CRTAC1: variants seen among roughly 807,000 people sequenced by gnomAD.
The protein encoded by CRTAC1 is acidic secreted protein in cartilage.
A neutral mutation model predicts 67.8 loss-of-function variants in CRTAC1; 37 were observed. The observed-to-expected ratio is 0.55, with a 90% confidence interval of 0.42 to 0.72. The LOEUF is 0.72. Among genes scored for constraint, CRTAC1 ranks in the 30% least tolerant of loss-of-function variants. The pLI is 0.00. For missense variants in CRTAC1, 780 were observed against 931.6 expected (o/e 0.84, Z 2.12); for synonymous variants, 348 against 371.0 (o/e 0.94, Z 0.71).
intron 5 of CRTAC1, among the ~76,000 whole-genome samples, chr10:97,910,418 C>A (rs2050674456): frequency 1.3e-5 from 2 of 152,282 alleles, no homozygotes; most frequent in Non-Finnish European, 1.5e-5. Flanking sequence ...GAATCTCAGG[C>A]CCCTAATGAA....
intron 2 of CRTAC1, among the ~76,000 whole-genome samples, chr10:97,980,959 C>T (rs1247319713): frequency 6.6e-6 from 1 of 152,166 alleles, no homozygotes; most frequent in Non-Finnish European, 1.5e-5. Context: ...GTTTCCAATT[C>T]CACCCTGCAA....
At chr10:97,933,261 C>G (rs1457797434) in intron 3 of CRTAC1, among the ~76,000 whole-genome samples, 1 of 152,258 alleles carries the variant, frequency 6.6e-6, no homozygotes, top group African/African-American at 2.4e-5. Flanking sequence ...TCCCTCAAAC[C>G]CACACAAGGT....
At chr10:97,929,050 G>A (rs1054485314) in intron 3 of CRTAC1, among the ~76,000 whole-genome samples, 6 of 152,024 alleles carry the variant, frequency 3.9e-5, no homozygotes, top group African/African-American at 1.5e-4. Context: ...AAGAAGCACC[G>A]GTGCAGGAGG....
intron 2 of CRTAC1, among the ~76,000 whole-genome samples, chr10:98,007,433 A>G (rs1842812989): frequency 6.6e-6 from 1 of 152,340 alleles, no homozygotes; most frequent in Middle Eastern, 3.4e-3. Flanking sequence ...GTATTTTGGT[A>G]CTCAAATTAG....
chr10:97,979,205 C>T (rs1045740789), intron 2 of CRTAC1, among the ~76,000 whole-genome samples: 3 of 152,250 alleles, frequency 2.0e-5, no homozygotes, highest in Non-Finnish European at 4.4e-5. Flanking sequence ...TTTTGAGTTC[C>T]GTGATAGTCA....
rs1300537596 is a variant in CRTAC1 at position 98,022,087 on chromosome 10, G to T, written c.24+8362C>A. Among the ~76,000 whole-genome samples the T allele has an allele frequency of 2.6e-5, 4 of 152,112 alleles. No homozygotes were observed. The East Asian group carries it at 7.7e-4, about 29-fold the overall frequency. On this transcript the variant is annotated intron_variant, in intron 1 of 14. Transcript: ENST00000370597. ...AGGTACAAAGTAGGCCGGGTACGGT[G>T]GCTCACACCTGTAATCCCAGCATTT...
intron 2 of CRTAC1, among the ~76,000 whole-genome samples, chr10:98,010,752 G>A (rs1391291081): frequency 6.6e-6 from 1 of 152,160 alleles, no homozygotes; most frequent in Non-Finnish European, 1.5e-5. Flanking sequence ...TACCATAATT[G>A]TCACCCTTAA....
chr10:97,936,456 C>T (rs1057320352), intron 2 of CRTAC1, 90 bp from the exon 3 acceptor site: 47 of 1,066,174 alleles, frequency 4.4e-5, no homozygotes, highest in Non-Finnish European at 5.2e-5. Flanking sequence ...GGAGTCCTCC[C>T]GGACACGCCA....
intron 2 of CRTAC1, among the ~76,000 whole-genome samples, chr10:97,958,543 T>C (rs2051476093): frequency 6.6e-6 from 1 of 152,108 alleles, no homozygotes; most frequent in Non-Finnish European, 1.5e-5. Context: ...ATCGTTGACA[T>C]CCCCTACCAG....
intron 2 of CRTAC1, among the ~76,000 whole-genome samples, chr10:97,937,627 C>T (rs2051110213): frequency 6.6e-6 from 1 of 152,226 alleles, no homozygotes; most frequent in Non-Finnish European, 1.5e-5. Flanking sequence ...GAGCTCATGT[C>T]TGAATCATAA....
intron 2 of CRTAC1, among the ~76,000 whole-genome samples, chr10:97,965,855 G>T (rs1476350833): frequency 6.6e-6 from 1 of 152,200 alleles, no homozygotes; most frequent in Non-Finnish European, 1.5e-5. Context: ...ACTGAAGAAG[G>T]GTGGTCTAGT....
intron 2 of CRTAC1, among the ~76,000 whole-genome samples, chr10:97,948,128 T>A (rs1486788283): frequency 6.6e-6 from 1 of 151,720 alleles, no homozygotes; most frequent in East Asian, 1.9e-4. Context: ...AAAAAAACTC[T>A]TCTGAGCTAA....
chr10:97,929,918 A>T (rs532716875), intron 3 of CRTAC1, among the ~76,000 whole-genome samples: 2 of 152,320 alleles, frequency 1.3e-5, no homozygotes, highest in African/African-American at 4.8e-5. Flanking sequence ...GCTCCAGGGG[A>T]AGAAAGAACT....
At chr10:97,942,888 GACACCTGTCTCT>G in intron 2 of CRTAC1, among the ~76,000 whole-genome samples, 1 of 151,686 alleles carries the variant, frequency 6.6e-6, no homozygotes, top group East Asian at 1.9e-4. Flanking sequence ...GCAACATAGT[GACACCTGTCTCT>G]ACAAAAAAAT....
intron 2 of CRTAC1, among the ~76,000 whole-genome samples, chr10:97,963,576 T>C (rs989805247): frequency 6.6e-6 from 1 of 152,208 alleles, no homozygotes; most frequent in Non-Finnish European, 1.5e-5. Flanking sequence ...GTACAATAAA[T>C]GTTTATTGAC....
intron 1 of CRTAC1, among the ~76,000 whole-genome samples, chr10:98,014,659 G>A (rs1375298004): frequency 6.6e-6 from 1 of 152,098 alleles, no homozygotes; most frequent in African/African-American, 2.4e-5. Flanking sequence ...GACTTGAATA[G>A]ACATTTCTCC....
intron 14 of CRTAC1, chr10:97,867,131 T>A (rs1378168853): frequency 6.6e-6 from 1 of 152,174 alleles, no homozygotes; most frequent in African/African-American, 2.4e-5. Flanking sequence ...AGACACTGTG[T>A]GTTCAGCCTG....
intron 5 of CRTAC1, among the ~76,000 whole-genome samples, chr10:97,909,560 T>C (rs956051859): frequency 6.6e-6 from 1 of 152,152 alleles, no homozygotes; most frequent in African/African-American, 2.4e-5. Context: ...ACTACATGTG[T>C]TGGCAAGGGT....
intron 2 of CRTAC1, among the ~76,000 whole-genome samples, chr10:97,969,991 T>C (rs1367114119): frequency 2.0e-5 from 3 of 152,204 alleles, no homozygotes; most frequent in African/African-American, 7.2e-5. Flanking sequence ...TGCTCTTGAA[T>C]GTTTAATAGA....
Sources: gnomAD v4.1 joint callset for allele counts (sites outside exome capture counted in the v4.1 genomes callset) on GRCh38, gnomAD v4.1.1 for gene constraint, MANE v1.5 for transcripts, NCBI Gene and HGNC (gene_info 2026-07-23, HGNC 2026-07-21) for gene names.